The following EYS variants were observed in gnomAD, a reference collection of about 807,000 sequenced individuals.
EYS encodes the protein EGF-like photoreceptor maintenance factor, also known as protein eyes shut homolog.
In EYS, 250 loss-of-function variants were observed where a neutral mutation model predicts 282.1. The ratio of observed to expected loss-of-function variants is 0.89; its 90% CI spans 0.80 to 0.98. The LOEUF (loss-of-function observed/expected upper bound fraction) is 0.98. EYS is among the 50% of genes least tolerant of loss of function. EYS has a pLI of 0.00. For missense variants in EYS, 4,016 were observed against 3,709.0 expected, an observed-to-expected ratio of 1.08 and a Z score of -2.15; for synonymous variants, 1,355 against 1,282.9, an observed-to-expected ratio of 1.06 and a Z score of -1.20.
chr6:65,542,482 T>C (rs990275921), intron 2 of EYS, among the ~76,000 whole-genome samples: 53 of 149,580 alleles, frequency 3.5e-4, no homozygotes, highest in African/African-American at 1.3e-3. Context: ...AATGTGTGTG[T>C]GTGTGTGTGT....
At chr6:65,110,773 C>T (rs1775194481) in intron 12 of EYS, among the ~76,000 whole-genome samples, 1 of 151,854 alleles carries the variant, frequency 6.6e-6, no homozygotes, top group Non-Finnish European at 1.5e-5. Context: ...ATGCATGATG[C>T]TAAACTGATA....
chr6:64,087,376 C>T (rs887859443), intron 31 of EYS, among the ~76,000 whole-genome samples: 2 of 152,098 alleles, frequency 1.3e-5, no homozygotes, highest in Admixed American at 6.6e-5. Context: ...AGGAGTTGCA[C>T]ATGTTTTTGG....
chr6:65,280,600 G>C (rs1306846227), intron 12 of EYS, among the ~76,000 whole-genome samples: 6 of 151,940 alleles, frequency 3.9e-5, no homozygotes, highest in Non-Finnish European at 8.8e-5. Flanking sequence ...ATATTTGTAA[G>C]TTACTTTTAC....
intron 14 of EYS, among the ~76,000 whole-genome samples, chr6:64,989,549 C>G (rs1182797098): frequency 7.9e-6 from 1 of 127,234 alleles, no homozygotes; most frequent in Non-Finnish European, 1.7e-5. Flanking sequence ...TATAATATAT[C>G]ATATATTTTA....
intron 21 of EYS, among the ~76,000 whole-genome samples, chr6:64,818,552 G>A (rs1764809806): frequency 6.6e-6 from 1 of 152,084 alleles, no homozygotes; most frequent in Non-Finnish European, 1.5e-5. Context: ...TAGGGAAGCC[G>A]ACAGTGCAGC....
At chr6:65,648,071 T>G (rs1767518085) in intron 1 of EYS, among the ~76,000 whole-genome samples, 1 of 152,158 alleles carries the variant, frequency 6.6e-6, no homozygotes. Flanking sequence ...ACTTTTACAC[T>G]GTTGGTGGGA....
At chr6:63,881,386 G>A (rs994417824) in intron 35 of EYS, among the ~76,000 whole-genome samples, 2 of 152,174 alleles carry the variant, frequency 1.3e-5, no homozygotes, top group African/African-American at 4.8e-5. Context: ...GAGAGGTTAT[G>A]GCATGGAGCA....
At chr6:65,661,378 T>A (rs1262110182) in intron 1 of EYS, among the ~76,000 whole-genome samples, 3 of 152,008 alleles carry the variant, frequency 2.0e-5, no homozygotes, top group Non-Finnish European at 2.9e-5. Context: ...ATACATATCT[T>A]GAGGGAACTG....
chr6:64,103,091 C>T (rs1269676829), intron 31 of EYS, among the ~76,000 whole-genome samples: 1 of 152,020 alleles, frequency 6.6e-6, no homozygotes, highest in Non-Finnish European at 1.5e-5. Context: ...ACAATAGAAA[C>T]AGTTTAAAGC....
intron 1 of EYS, among the ~76,000 whole-genome samples, chr6:65,664,237 T>C (rs1421678603): frequency 6.6e-6 from 1 of 152,058 alleles, no homozygotes; most frequent in Non-Finnish European, 1.5e-5. Context: ...AACCAGAAAG[T>C]GACAATCTTC....
At chr6:65,621,682 C>T (rs917760946) in intron 2 of EYS, among the ~76,000 whole-genome samples, 11 of 151,960 alleles carry the variant, frequency 7.2e-5, no homozygotes, top group South Asian at 2.1e-4. Flanking sequence ...GATTTTGCAG[C>T]GGCTGGTATT....
intron 15 of EYS, among the ~76,000 whole-genome samples, chr6:64,944,798 C>T (rs1769219730): frequency 1.3e-5 from 2 of 152,070 alleles, no homozygotes; most frequent in Non-Finnish European, 2.9e-5. Flanking sequence ...AAAAACCGCC[C>T]TATGGTGGGA....
intron 28 of EYS, among the ~76,000 whole-genome samples, chr6:64,389,540 A>C (rs1341763161): frequency 6.6e-6 from 1 of 152,208 alleles, no homozygotes; most frequent in African/African-American, 2.4e-5. Context: ...AAGTAAATAA[A>C]CTTTAATTGG....
chr6:65,623,881 T>G (rs1766608679), intron 2 of EYS, among the ~76,000 whole-genome samples: 1 of 152,202 alleles, frequency 6.6e-6, no homozygotes, highest in African/African-American at 2.4e-5. Context: ...ATAACTCACC[T>G]TTCTTGAACA....
intron 13 of EYS, among the ~76,000 whole-genome samples, chr6:65,022,139 TC>T (rs1772269236): frequency 6.6e-6 from 1 of 152,216 alleles, no homozygotes; most frequent in Non-Finnish European, 1.5e-5. Context: ...CTAGCGTCTA[TC>T]CATTAGCATC....
chr6:64,642,159 GA>G (rs1260062202), intron 22 of EYS, among the ~76,000 whole-genome samples: 3 of 152,086 alleles, frequency 2.0e-5, no homozygotes, highest in East Asian at 1.9e-4. Flanking sequence ...TGATTTTGGG[GA>G]AAAAAATTAA....
At chr6:63,726,812 G>C in intron 41 of EYS, 132 bp from the exon 42 acceptor site, 3 of 759,352 alleles carry the variant, frequency 4.0e-6, no homozygotes, top group Non-Finnish European at 6.3e-6. Flanking sequence ...TTGTAGGTGA[G>C]TACATCAAAC....
intron 28 of EYS, among the ~76,000 whole-genome samples, chr6:64,392,174 A>G (rs1460844737): frequency 1.3e-5 from 2 of 151,026 alleles, no homozygotes; most frequent in Non-Finnish European, 2.9e-5. Flanking sequence ...CACATTAATA[A>G]TGGGAGACTT....
intron 35 of EYS, among the ~76,000 whole-genome samples, chr6:63,928,024 T>C (rs774755638): frequency 7.2e-5 from 11 of 152,198 alleles, no homozygotes; most frequent in Admixed American, 2.0e-4. Context: ...GGAAAAAGCA[T>C]TGGTTTCCGA....
Sources: allele counts gnomAD v4.1 joint callset (sites outside exome capture counted in the v4.1 genomes callset), GRCh38; gene constraint gnomAD v4.1.1; transcripts MANE v1.5; gene names NCBI Gene and HGNC (gene_info 2026-07-23, HGNC 2026-07-21).